LUZP2: variants seen among roughly 807,000 people sequenced by gnomAD.
LUZP2 encodes leucine zipper protein 2.
In LUZP2, 52 loss-of-function variants were observed where a neutral mutation model predicts 51.6. The observed-to-expected ratio is 1.01, with a 90% CI of 0.81 to 1.27. LUZP2 has a LOEUF of 1.27. LUZP2 is among the 50% of genes most tolerant of loss of function. The pLI is 0.00. For synonymous variants in LUZP2, 154 were observed against 137.3 expected (o/e 1.12, Z -0.85); for missense variants, 436 against 395.4 (o/e 1.10, Z -0.87).
At chr11:24,722,776 G>A (rs929896560) in intron 1 of LUZP2, among the ~76,000 whole-genome samples, 2 of 151,858 alleles carry the variant, frequency 1.3e-5, no homozygotes, top group African/African-American at 4.8e-5. Flanking sequence ...AATTAGCTGG[G>A]CGTGGGGGTG....
chr11:24,894,617 C>G (rs902986461), intron 5 of LUZP2, among the ~76,000 whole-genome samples: 13 of 149,818 alleles, frequency 8.7e-5, no homozygotes, highest in Non-Finnish European at 1.9e-4. Flanking sequence ...CCTCCCCTAT[C>G]TAATAGTCCC....
At chr11:24,875,370 G>A (rs1852216649) in intron 5 of LUZP2, among the ~76,000 whole-genome samples, 1 of 148,716 alleles carries the variant, frequency 6.7e-6, no homozygotes, top group African/African-American at 2.5e-5. Context: ...TTTTGTTCTT[G>A]CAATAGTTTA....
chr11:24,826,190 A>AAAAAAAAAAAT (rs1215786412), intron 5 of LUZP2, among the ~76,000 whole-genome samples: 4 of 67,536 alleles, frequency 5.9e-5, no homozygotes, highest in African/African-American at 2.4e-4. Context: ...AAAAAAAAAA[A>AAAAAAAAAAAT]ATATATATAT....
At chr11:24,532,806 C>T (rs923501627) in intron 1 of LUZP2, among the ~76,000 whole-genome samples, 3 of 150,952 alleles carry the variant, frequency 2.0e-5, no homozygotes, top group Non-Finnish European at 3.0e-5. Flanking sequence ...ATAAATACTT[C>T]AGATTATTTA....
At chr11:24,977,364 A>G (rs1050954221) in intron 8 of LUZP2, among the ~76,000 whole-genome samples, 2 of 151,710 alleles carry the variant, frequency 1.3e-5, no homozygotes, top group South Asian at 4.1e-4. Flanking sequence ...TACACAAAAC[A>G]CATTTTTAAA....
At chr11:25,048,874 T>C (rs1288382775) in intron 9 of LUZP2, among the ~76,000 whole-genome samples, 1 of 151,934 alleles carries the variant, frequency 6.6e-6, no homozygotes, top group Non-Finnish European at 1.5e-5. Flanking sequence ...GCCCAGCATT[T>C]GGGTGACTTT....
chr11:24,991,011 T>G (rs745369918), intron 9 of LUZP2, among the ~76,000 whole-genome samples: 4 of 151,974 alleles, frequency 2.6e-5, no homozygotes, highest in Non-Finnish European at 4.4e-5. Flanking sequence ...ACAGGTGGTG[T>G]TTGGTTACAT....
intron 1 of LUZP2, among the ~76,000 whole-genome samples, chr11:24,624,728 G>T (rs1251545034): frequency 6.6e-6 from 1 of 152,152 alleles, no homozygotes; most frequent in East Asian, 1.9e-4. Context: ...GTTATTAGCT[G>T]TGTAGTCATG....
chr11:24,684,843 A>T (rs1265056174), intron 1 of LUZP2, among the ~76,000 whole-genome samples: 2 of 152,228 alleles, frequency 1.3e-5, no homozygotes, highest in Admixed American at 6.5e-5. Flanking sequence ...CAAATGATTC[A>T]TATCAGATCC....
At chr11:24,630,579 T>C (rs989284720) in intron 1 of LUZP2, among the ~76,000 whole-genome samples, 11 of 152,052 alleles carry the variant, frequency 7.2e-5, no homozygotes, top group African/African-American at 2.7e-4. Context: ...TCATACTGTT[T>C]AGGTTACTAT....
At chr11:24,806,547 T>C (rs1172710073) in intron 5 of LUZP2, among the ~76,000 whole-genome samples, 1 of 152,174 alleles carries the variant, frequency 6.6e-6, no homozygotes, top group Non-Finnish European at 1.5e-5. Context: ...ATTAAGTTCA[T>C]GTAGGTAGTA....
intron 5 of LUZP2, among the ~76,000 whole-genome samples, chr11:24,877,012 T>C (rs960452487): frequency 2.5e-4 from 38 of 152,162 alleles, no homozygotes; most frequent in African/African-American, 8.7e-4. Flanking sequence ...TCCTTTTTAG[T>C]GTAACACTCT....
chr11:24,914,326 G>C, intron 6 of LUZP2, 150 bp from the exon 7 acceptor site: 1 of 615,840 alleles, frequency 1.6e-6, no homozygotes, highest in Non-Finnish European at 2.9e-6. Flanking sequence ...TCTCAAAGCA[G>C]AGCTAAGGGT....
chr11:24,758,041 C>T (rs1419392292), intron 4 of LUZP2, among the ~76,000 whole-genome samples: 2 of 152,074 alleles, frequency 1.3e-5, no homozygotes, highest in African/African-American at 4.8e-5. Context: ...AAATAACTCT[C>T]ATCTCGTTAT....
chr11:24,850,027 T>A (rs1851339334), intron 5 of LUZP2, among the ~76,000 whole-genome samples: 1 of 152,174 alleles, frequency 6.6e-6, no homozygotes, highest in Non-Finnish European at 1.5e-5. Flanking sequence ...ATATTAGCCC[T>A]TTGTTAGATG....
At chr11:24,542,194 T>G (rs893205204) in intron 1 of LUZP2, among the ~76,000 whole-genome samples, 1 of 151,988 alleles carries the variant, frequency 6.6e-6, no homozygotes, top group African/African-American at 2.4e-5. Context: ...AAATTAAAGA[T>G]GAGATACAGC....
intron 9 of LUZP2, among the ~76,000 whole-genome samples, chr11:25,010,724 G>A (rs77566743): frequency 6.6e-6 from 1 of 152,034 alleles, no homozygotes; most frequent in Non-Finnish European, 1.5e-5. Context: ...GGGCACACAT[G>A]TAGTCCCAGC....
chr11:24,638,448 A>G (rs1297134542), intron 1 of LUZP2, among the ~76,000 whole-genome samples: 1 of 151,724 alleles, frequency 6.6e-6, no homozygotes, highest in Non-Finnish European at 1.5e-5. Flanking sequence ...TTTAATTAAG[A>G]AAGTATTCTA....
chr11:24,875,306 T>C (rs1340490892), intron 5 of LUZP2, among the ~76,000 whole-genome samples: 2 of 148,794 alleles, frequency 1.3e-5, no homozygotes, highest in Admixed American at 6.8e-5. Flanking sequence ...CCTGTGTCCA[T>C]GTGTTCTCAT....
Sources: allele counts gnomAD v4.1 joint callset (sites outside exome capture counted in the v4.1 genomes callset), GRCh38; gene constraint gnomAD v4.1.1; transcripts MANE v1.5; gene names NCBI Gene and HGNC (gene_info 2026-07-23, HGNC 2026-07-21).